PHACTR2: variants seen among roughly 807,000 people sequenced by gnomAD.
PHACTR2 encodes chromosome 6 open reading frame 56.
PHACTR2 carries 30 observed loss-of-function variants against 76.0 expected under a neutral mutation model. That is an observed-to-expected ratio of 0.39 (90% confidence interval 0.30 to 0.54). PHACTR2 has a LOEUF of 0.54. Ranked by LOEUF, PHACTR2 falls within the 20% of genes least tolerant of loss-of-function variation. The pLI is 0.61. For missense variants in PHACTR2, 696 were observed against 781.1 expected, an observed-to-expected ratio of 0.89 and a Z score of 1.30; for synonymous variants, 292 against 292.5, an observed-to-expected ratio of 1.00 and a Z score of 0.02.
chr6:143,647,204 T>G lies in PHACTR2; in HGVS notation c.13+38882T>G, dbSNP rs9496719. Among the ~76,000 whole-genome samples, 213 of 152,326 alleles carry G rather than the reference T, an allele frequency of 1.4e-3. No individual in the cohort carries two copies. The highest frequency in any genetic ancestry group is 4.8e-3 in the African/African-American group (201 of 41,578). On this transcript the variant is annotated intron_variant, in intron 1 of 11. Coordinates refer to the PHACTR2 transcript ENST00000305766. This position sits in a 1 kb window ranked among gnomAD's most constrained non-coding sequence, Gnocchi z 4.2. The stretch of plus-strand genomic sequence containing the variant: ...ACTAAGTATTATCTATTATAATATG[T>G]GTTTTGCATCCCTTTCTGTGATGTA...
intron 6 of PHACTR2, among the ~76,000 whole-genome samples, chr6:143,770,133 T>C (rs925241933): frequency 6.6e-6 from 1 of 152,184 alleles, no homozygotes; most frequent in Non-Finnish European, 1.5e-5. Context: ...AAACAAAATG[T>C]GTTATATACA....
intron 1 of PHACTR2, among the ~76,000 whole-genome samples, chr6:143,545,105 G>A (rs1011847593): frequency 6.6e-6 from 1 of 152,024 alleles, no homozygotes; most frequent in Non-Finnish European, 1.5e-5. Flanking sequence ...CATCATGCCT[G>A]GCTAATTGTT....
rs1562302965 is a variant in PHACTR2, at chr6:143,776,002, G to A, written c.1590-1326G>A. 6.6e-6 allele frequency among the ~76,000 whole-genome samples: 1 copy of A among 152,058 alleles called. No individual in the cohort carries two copies. The highest frequency in any genetic ancestry group is 1.5e-5 in the Non-Finnish European group (1 of 68,014). On this transcript the variant is annotated intron_variant, in intron 8 of 12. Transcript: ENST00000440869. This position sits in a 1 kb window ranked among gnomAD's most constrained non-coding sequence, Gnocchi z 5.3. Reference sequence around the variant, plus strand: ...AAATATTAGCCAGCTATGATGACTGGCACCTGTAATCCCAGCTACTCAGGA... The same window carrying A: ...AAATATTAGCCAGCTATGATGACTGACACCTGTAATCCCAGCTACTCAGGA...
Position 143,695,559 on chromosome 6 carries a change from G to A in PHACTR2, c.47-16457G>A, listed in dbSNP as rs1777753530. Among the ~76,000 whole-genome samples, 1 of 152,112 alleles carries A rather than the reference G, an allele frequency of 6.6e-6. No individual in the cohort carries two copies. The highest frequency in any genetic ancestry group is 1.5e-5 in the Non-Finnish European group (1 of 68,024). ...CAGTCCAGGTTTATTTTCATTGCTG[G>A]GCACTGCAGTCCTAGAGGCAAAGGG... On this transcript the variant is annotated intron_variant, in intron 1 of 12. Transcript: ENST00000440869. The surrounding 1 kb of genome is among the most constrained non-coding windows in gnomAD (Gnocchi z 4.4).
chr6:143,779,100 G>C (rs943689959), intron 9 of PHACTR2, among the ~76,000 whole-genome samples: 3 of 152,064 alleles, frequency 2.0e-5, no homozygotes, highest in African/African-American at 7.2e-5. Context: ...ATGATTTCCT[G>C]ACCCACTATT....
rs919164210 is a variant in PHACTR2, at chr6:143,653,701, A to G, written c.13+45379A>G. The stretch of plus-strand genomic sequence containing the variant: ...TAAAGTGAGAACTCTACCTTACATC[A>G]TATTAAAAAATTAACTCAAGATTGA... On this transcript the variant is annotated intron_variant, in intron 1 of 11. Coordinates refer to the PHACTR2 transcript ENST00000305766. This position sits in a 1 kb window ranked among gnomAD's most constrained non-coding sequence, Gnocchi z 4.9. Among the ~76,000 whole-genome samples the G allele has an allele frequency of 1.3e-5, 2 of 152,008 alleles. No homozygotes were observed. The highest frequency in any genetic ancestry group is 2.9e-5 in the Non-Finnish European group (2 of 68,024).
intron 1 of PHACTR2, among the ~76,000 whole-genome samples, chr6:143,577,451 T>G (rs1305631084): frequency 6.6e-6 from 1 of 152,116 alleles, no homozygotes; most frequent in East Asian, 1.9e-4. Flanking sequence ...AAACATTAAA[T>G]AGTATTAAAG....
In PHACTR2 at chr6:143,755,417, T is replaced by C. The variant is rs1779276744; in HGVS notation, c.454+1505T>C. Reference sequence around the variant, plus strand: ...TCTCTGGTGCCTGGTCCGTGCAGGGTATTCGTCACTGGACTGGCCAGACAT... The same window carrying C: ...TCTCTGGTGCCTGGTCCGTGCAGGGCATTCGTCACTGGACTGGCCAGACAT... On this transcript the variant is annotated intron_variant, in intron 4 of 12. Coordinates refer to ENST00000440869, the MANE Select transcript of PHACTR2 (RefSeq NM_001100164.2). The surrounding 1 kb of genome is among the most constrained non-coding windows in gnomAD (Gnocchi z 5.2). 1 of 455,166 alleles carries C rather than the reference T, an allele frequency of 2.2e-6. No homozygotes were observed. Among genetic ancestry groups the C allele is most frequent in the Non-Finnish European group, 4.4e-6 (1 of 226,358 alleles). 28.2% of individuals were successfully genotyped at this position (455,166 alleles called of 1,614,324 possible). A position where few individuals can be genotyped will look rare whatever the true frequency, so the allele number is the denominator to read the frequency against.
rs1781186355 is a variant in PHACTR2, at chr6:143,543,069, C to T, written c.217+5862C>T. 6.6e-6 allele frequency among the ~76,000 whole-genome samples: 1 copy of T among 152,220 alleles called. No homozygotes were observed. Among genetic ancestry groups the T allele is most frequent in the Non-Finnish European group, 1.5e-5 (1 of 68,038 alleles). ...TTAGACTGAAAGCAGAGAGGATACT[C>T]AGAAAGGGTGTGGCAGGCCAGACAC... On this transcript the variant is annotated intron_variant, in intron 1 of 11. Coordinates refer to the PHACTR2 transcript ENST00000367584. This position sits in a 1 kb window ranked among gnomAD's most constrained non-coding sequence, Gnocchi z 4.7.
intron 1 of PHACTR2, among the ~76,000 whole-genome samples, chr6:143,551,090 T>G (rs1265342714): frequency 6.6e-6 from 1 of 151,892 alleles, no homozygotes; most frequent in Non-Finnish European, 1.5e-5. Flanking sequence ...ACACATTTTA[T>G]TCACAGAAAA....
In PHACTR2 at chr6:143,807,010, T is replaced by C. The variant is rs1776080189; in HGVS notation, c.1846-47T>C. On this transcript the variant is annotated intron_variant, in intron 11 of 12. Coordinates refer to ENST00000440869, the MANE Select transcript of PHACTR2 (RefSeq NM_001100164.2). The surrounding 1 kb of genome is among the most constrained non-coding windows in gnomAD (Gnocchi z 5.5). Reference sequence around the variant, plus strand: ...TGATGCTGTATATACTGGGGCAATATATGACCTAAATAACAGTTCTGTTTA... The same window carrying C: ...TGATGCTGTATATACTGGGGCAATACATGACCTAAATAACAGTTCTGTTTA... 9.5e-7 allele frequency: 1 copy of C among 1,050,244 alleles called. No individual in the cohort carries two copies. The highest frequency in any genetic ancestry group is 1.5e-6 in the Non-Finnish European group (1 of 684,162). The allele number at this position is 1,050,244 out of a possible 1,614,324, so 65.1% of individuals were successfully genotyped here. A position where few individuals can be genotyped will look rare whatever the true frequency, so the allele number is the denominator to read the frequency against.
rs573553681 is a variant in PHACTR2, at chr6:143,829,867, T to A, written c.*6178T>A. 7 of 145,166 alleles carry A rather than the reference T, an allele frequency of 4.8e-5. No individual in the cohort carries two copies. Among genetic ancestry groups the A allele is most frequent in the Admixed American group, 4.7e-4 (7 of 14,918 alleles). 9.0% of individuals were successfully genotyped at this position (145,166 alleles called of 1,614,324 possible). A position where few individuals can be genotyped will look rare whatever the true frequency, so the allele number is the denominator to read the frequency against. ...ATTCTTATCTTTTTAAATAGCAGTA[T>A]TTTTTTTTTAAGAATAAATTGTAAG... On this transcript the variant is annotated 3_prime_UTR_variant, in exon 13 of 13. Transcript: ENST00000440869.
At chr6:143,817,622 A>G (rs953428799) in intron 12 of PHACTR2, among the ~76,000 whole-genome samples, 2 of 152,230 alleles carry the variant, frequency 1.3e-5, no homozygotes, top group Non-Finnish European at 1.5e-5. Context: ...CAGAACTTGA[A>G]TGGATAATGA....
chr6:143,574,643 CG>C (rs1331625061), intron 1 of PHACTR2, among the ~76,000 whole-genome samples: 4 of 150,988 alleles, frequency 2.6e-5, no homozygotes, highest in Non-Finnish European at 5.9e-5. Flanking sequence ...AATGATTCCC[CG>C]GAATGTGTTT....
chr6:143,796,799 C>A (rs1037803435), intron 11 of PHACTR2, among the ~76,000 whole-genome samples: 1 of 152,166 alleles, frequency 6.6e-6, no homozygotes, highest in African/African-American at 2.4e-5. Context: ...TTTTCTTAAT[C>A]CAGTCTATCA....
chr6:143,773,065 C>T (rs981355787), intron 7 of PHACTR2, among the ~76,000 whole-genome samples: 1 of 152,002 alleles, frequency 6.6e-6, no homozygotes, highest in Non-Finnish European at 1.5e-5. Context: ...ATACAAAATC[C>T]AGATGGGCAT....
Position 143,672,223 on chromosome 6 carries a change from T to C in PHACTR2, c.14-39793T>C, listed in dbSNP as rs552871803. ...TGCTTTAAATGGGTACATTTTAGGGTCCATAACTTATTCTTCAAAAAGCTG... is the reference window on the plus strand; with the variant it reads ...TGCTTTAAATGGGTACATTTTAGGGCCCATAACTTATTCTTCAAAAAGCTG... On this transcript the variant is annotated intron_variant, in intron 1 of 11. Coordinates refer to the PHACTR2 transcript ENST00000305766. This position sits in a 1 kb window ranked among gnomAD's most constrained non-coding sequence, Gnocchi z 5.8. Among the ~76,000 whole-genome samples the C allele has an allele frequency of 1.3e-5, 2 of 151,798 alleles. No homozygotes were observed. Among genetic ancestry groups the C allele is most frequent in the South Asian group, 4.2e-4 (2 of 4,808 alleles).
intron 2 of PHACTR2, among the ~76,000 whole-genome samples, chr6:143,728,905 C>T (rs1306196869): frequency 6.6e-6 from 1 of 152,072 alleles, no homozygotes; most frequent in African/African-American, 2.4e-5. Flanking sequence ...ATAGGAGAAA[C>T]ACTCTAGAAC....
At chr6:143,719,747 C>T (rs941105157) in intron 2 of PHACTR2, among the ~76,000 whole-genome samples, 16 of 150,662 alleles carry the variant, frequency 1.1e-4, no homozygotes, top group African/African-American at 1.7e-4. Context: ...GGAGAAGTTA[C>T]GTAACCAGCC....
Sources: allele counts gnomAD v4.1 joint callset (sites outside exome capture counted in the v4.1 genomes callset), GRCh38; gene constraint gnomAD v4.1.1; non-coding constraint Gnocchi (gnomAD v3.1); transcripts MANE v1.5; gene names NCBI Gene and HGNC (gene_info 2026-07-23, HGNC 2026-07-21).